The following SPOCK1 variants were observed in gnomAD, a reference collection of about 807,000 sequenced individuals.
SPOCK1 encodes testican-1.
SPOCK1 carries 23 observed loss-of-function variants against 55.3 expected under a neutral mutation model. That is an observed-to-expected ratio of 0.42 (90% CI 0.30 to 0.59). The LOEUF is 0.59. SPOCK1 is among the 20% of genes least tolerant of loss of function. SPOCK1 has a pLI of 0.22. For missense variants in SPOCK1, 499 were observed against 552.5 expected, an observed-to-expected ratio of 0.90 and a Z score of 0.97; for synonymous variants, 226 against 221.0, an observed-to-expected ratio of 1.02 and a Z score of -0.20.
At chr5:137,233,713 CTTTTTT>C (rs56328555) in intron 3 of SPOCK1, among the ~76,000 whole-genome samples, 6 of 58,412 alleles carry the variant, frequency 1.0e-4, no homozygotes, top group African/African-American at 5.5e-4. Context: ...AGGATATGCA[CTTTTTT>C]TTTTTTTTTT....
At chr5:137,229,226 G>C (rs1756004112) in intron 3 of SPOCK1, among the ~76,000 whole-genome samples, 1 of 152,076 alleles carries the variant, frequency 6.6e-6, no homozygotes, top group South Asian at 2.1e-4. Flanking sequence ...AGATAAAGGG[G>C]AGAAAAAAAG....
chr5:137,085,947 G>C (rs1395379758), intron 5 of SPOCK1, among the ~76,000 whole-genome samples: 2 of 152,130 alleles, frequency 1.3e-5, no homozygotes, highest in Admixed American at 6.5e-5. Flanking sequence ...GACCTACAGT[G>C]TTTTCTGCAA....
At chr5:137,491,920 A>G (rs535379251) in intron 2 of SPOCK1, among the ~76,000 whole-genome samples, 36 of 152,342 alleles carry the variant, frequency 2.4e-4, no homozygotes, top group African/African-American at 7.9e-4. Context: ...ACAGTGCTAT[A>G]GGAATTGTTG....
chr5:137,388,646 A>T (rs544543989), intron 2 of SPOCK1, among the ~76,000 whole-genome samples: 33 of 152,200 alleles, frequency 2.2e-4, no homozygotes, highest in African/African-American at 7.0e-4. Context: ...GCATGGATGG[A>T]CACTCTCACC....
At chr5:137,040,848 C>T (rs1751982491) in intron 6 of SPOCK1, among the ~76,000 whole-genome samples, 1 of 152,132 alleles carries the variant, frequency 6.6e-6, no homozygotes, top group South Asian at 2.1e-4. Context: ...TCATGCCCAA[C>T]CATCTGCTGA....
Position 137,289,716 on chromosome 5 carries a change from A to G in SPOCK1, c.187-22661T>C, listed in dbSNP as rs562685653. Among the ~76,000 whole-genome samples, 4 of 152,320 alleles carry G rather than the reference A, an allele frequency of 2.6e-5. No individual in the cohort carries two copies. In the South Asian group the frequency reaches 8.3e-4, roughly 32 times the overall value. On this transcript the variant is annotated intron_variant, in intron 2 of 10. Coordinates refer to ENST00000394945, the MANE Select transcript of SPOCK1 (RefSeq NM_004598.4). ...ATAAAGCATCTCCCACCTCAAAAAA[A>G]CACCAAAAAGAGAGTGAAAAGCCAA...
chr5:137,113,945 A>G (rs924535683), intron 4 of SPOCK1, among the ~76,000 whole-genome samples: 3 of 152,234 alleles, frequency 2.0e-5, no homozygotes, highest in Admixed American at 6.5e-5. Flanking sequence ...AATGAAGGAA[A>G]GTGAGCAAGA....
intron 2 of SPOCK1, among the ~76,000 whole-genome samples, chr5:137,449,918 GAAAGAAAGAA>G (rs1229620642): frequency 1.0e-4 from 9 of 88,684 alleles, no homozygotes; most frequent in Admixed American, 2.3e-4. Flanking sequence ...AAAAAAAAAA[GAAAGAAAGAA>G]AAAGAAAGAA....
intron 5 of SPOCK1, among the ~76,000 whole-genome samples, chr5:137,079,981 T>C (rs1752855027): frequency 6.6e-6 from 1 of 152,196 alleles, no homozygotes; most frequent in African/African-American, 2.4e-5. Context: ...GATATTTGTG[T>C]CATATGTCTA....
At chr5:137,144,539 T>G (rs1265159558) in intron 3 of SPOCK1, among the ~76,000 whole-genome samples, 5 of 152,226 alleles carry the variant, frequency 3.3e-5, no homozygotes, top group Non-Finnish European at 1.5e-5. Flanking sequence ...AGCATTTGTT[T>G]AATCACCTCG....
At chr5:137,450,954 C>T (rs1231380730) in intron 2 of SPOCK1, among the ~76,000 whole-genome samples, 1 of 152,146 alleles carries the variant, frequency 6.6e-6, no homozygotes, top group Non-Finnish European at 1.5e-5. Context: ...TCTTCCCTGC[C>T]CACCCATGCC....
chr5:137,295,143 T>G (rs1351334182), intron 2 of SPOCK1, among the ~76,000 whole-genome samples: 1 of 152,258 alleles, frequency 6.6e-6, no homozygotes, highest in African/African-American at 2.4e-5. Context: ...ACAAATACCC[T>G]GAATAAATAC....
intron 2 of SPOCK1, among the ~76,000 whole-genome samples, chr5:137,416,407 T>G (rs1752328720): frequency 6.6e-6 from 1 of 152,158 alleles, no homozygotes; most frequent in African/African-American, 2.4e-5. Context: ...GTTCTCAGAA[T>G]CAACATTAGT....
intron 2 of SPOCK1, among the ~76,000 whole-genome samples, chr5:137,301,709 T>C (rs2127137039): frequency 7.3e-6 from 1 of 137,094 alleles, no homozygotes; most frequent in African/African-American, 2.8e-5. Context: ...GGAAGAACAA[T>C]GACACAGTTT....
intron 3 of SPOCK1, among the ~76,000 whole-genome samples, chr5:137,207,826 A>G (rs781596675): frequency 5.3e-5 from 8 of 152,174 alleles, no homozygotes; most frequent in East Asian, 3.9e-4. Context: ...CCTGTGATTT[A>G]CTATTGCCAT....
chr5:137,119,519 C>T (rs962886490), intron 4 of SPOCK1, among the ~76,000 whole-genome samples: 1 of 152,150 alleles, frequency 6.6e-6, no homozygotes, highest in East Asian at 1.9e-4. Context: ...GAGACTCCCA[C>T]GAGAGAGATT....
chr5:137,274,491 A>G (rs1757024966), intron 2 of SPOCK1, among the ~76,000 whole-genome samples: 1 of 152,244 alleles, frequency 6.6e-6, no homozygotes, highest in Non-Finnish European at 1.5e-5. Context: ...AATGACTTGC[A>G]ATAATGATGC....
intron 5 of SPOCK1, among the ~76,000 whole-genome samples, chr5:137,097,903 C>T (rs908454676): frequency 1.3e-5 from 2 of 152,168 alleles, no homozygotes; most frequent in Non-Finnish European, 2.9e-5. Flanking sequence ...CCACCACCAT[C>T]GGGCAGAACA....
At chr5:137,263,655 CTGAGT>C (rs1204522427) in intron 3 of SPOCK1, among the ~76,000 whole-genome samples, 2 of 152,204 alleles carry the variant, frequency 1.3e-5, no homozygotes, top group African/African-American at 4.8e-5. Context: ...AATTTCTCAC[CTGAGT>C]TAATCATTGC....
Sources: gnomAD v4.1 joint callset for allele counts (sites outside exome capture counted in the v4.1 genomes callset) on GRCh38, gnomAD v4.1.1 for gene constraint, MANE v1.5 for transcripts, NCBI Gene and HGNC (gene_info 2026-07-23, HGNC 2026-07-21) for gene names.